The following CYP2R1 variants were observed in gnomAD, a reference collection of about 807,000 sequenced individuals.
The protein encoded by CYP2R1 is cytochrome P450 family 2 subfamily R member 1.
In CYP2R1, 40 loss-of-function variants were observed where a neutral mutation model predicts 45.7. The observed-to-expected ratio is 0.87, with a 90% confidence interval of 0.68 to 1.14. The LOEUF is 1.14. CYP2R1 is among the 50% of genes most tolerant of loss of function. The pLI is 0.00. For missense variants in CYP2R1, 605 were observed against 602.6 expected, an observed-to-expected ratio of 1.00 and a Z score of -0.04; for synonymous variants, 234 against 219.3, an observed-to-expected ratio of 1.07 and a Z score of -0.59.
chr11:14,891,802 C>G, intron 1 of CYP2R1, 179 bp downstream of exon 1: 1 of 1,410,784 alleles, frequency 7.1e-7, no homozygotes. Flanking sequence ...CAAGGGGGCA[C>G]GGCGTCGAGG....
chr11:14,879,525 G>C, intron 3 of CYP2R1, 82 bp from the exon 4 acceptor site: 2 of 1,182,700 alleles, frequency 1.7e-6, no homozygotes, highest in Non-Finnish European at 2.4e-6. Flanking sequence ...TAAAATAAAG[G>C]ATAACCTATA....
Position 14,879,332 on chromosome 11 carries a change from A to C in CYP2R1, c.1112T>G (p.Phe371Cys). The C allele has an allele frequency of 6.2e-7, 1 of 1,613,008 alleles. No homozygotes were observed. Among genetic ancestry groups the C allele is most frequent in the Non-Finnish European group, 8.5e-7 (1 of 1,179,538 alleles). The change falls in exon 4 of 5, where the codon TTC (phenylalanine) becomes TGC (cysteine). Residue 371 changes from phenylalanine to cysteine, a missense_variant. Physicochemically the swap from Phe to Cys is radical, Grantham distance 205. Transcript: ENST00000334636. ...TEAVLHEVLR[F>C]CNIVPLGIFH... ...AATCCCTAATGGAACTATATTACAG[A>C]ATCTTAAAACTTCATGCAAAACTGC...
chr11:14,890,579 C>G (rs1848805494), intron 1 of CYP2R1: 1 of 267,054 alleles, frequency 3.7e-6, no homozygotes, highest in Non-Finnish European at 4.9e-6. Flanking sequence ...CGGAGTCTGG[C>G]TCTGTTGCCC....
At chr11:14,879,997 G>T in intron 3 of CYP2R1, 139 bp downstream of exon 3, 4 of 813,742 alleles carry the variant, frequency 4.9e-6, no homozygotes, top group South Asian at 2.3e-5. Flanking sequence ...ACTCTTTTTT[G>T]TAACTATTAA....
chr11:14,885,986 A>G, intron 1 of CYP2R1, 69 bp from the exon 2 acceptor site: 1 of 1,492,586 alleles, frequency 6.7e-7, no homozygotes, highest in Non-Finnish European at 9.3e-7. Flanking sequence ...ATGGAAATCT[A>G]CAAGTGGTAA....
intron 1 of CYP2R1, chr11:14,886,844 A>C (rs1248599451): frequency 6.6e-6 from 1 of 152,320 alleles, no homozygotes; most frequent in African/African-American, 2.4e-5. Context: ...GAGGCTTAGC[A>C]GAGAACAAAA....
At chr11:14,890,601 C>T (rs1390863109) in intron 1 of CYP2R1, 1 of 201,250 alleles carries the variant, frequency 5.0e-6, no homozygotes, top group Non-Finnish European at 7.2e-6. Context: ...GGCTGGAGTG[C>T]AGTGGCGCGA....
At chr11:14,890,569 C>T (rs1207403805) in intron 1 of CYP2R1, 4 of 194,848 alleles carry the variant, frequency 2.1e-5, no homozygotes, top group East Asian at 3.9e-4. Context: ...TTTTTTGAGA[C>T]GGAGTCTGGC....
chr11:14,879,996 TG>T (rs1848313601), intron 3 of CYP2R1, 139 bp downstream of exon 3: 2 of 825,096 alleles, frequency 2.4e-6, no homozygotes, highest in African/African-American at 1.7e-5. Context: ...AACTCTTTTT[TG>T]TAACTATTAA....
chr11:14,891,281 A>C, intron 1 of CYP2R1: 3 of 985,362 alleles, frequency 3.0e-6, no homozygotes, highest in Non-Finnish European at 2.4e-6. Context: ...TGAGTCACCA[A>C]GTTGGCAGTG....
intron 4 of CYP2R1, among the ~76,000 whole-genome samples, chr11:14,878,521 A>T (rs1260618215): frequency 2.6e-5 from 4 of 152,076 alleles, no homozygotes; most frequent in African/African-American, 9.7e-5. Flanking sequence ...CTTTTGTAAG[A>T]CTTTAGTTCC....
chr11:14,891,862 G>A, intron 1 of CYP2R1, 119 bp downstream of exon 1: 1 of 1,408,502 alleles, frequency 7.1e-7, no homozygotes, highest in South Asian at 1.5e-5. Flanking sequence ...AGGGCAGCCG[G>A]CACACGGAGA....
chr11:14,877,839 TC>T lies in CYP2R1; in HGVS notation c.*282del, dbSNP rs1406300611. 5.7e-6 allele frequency: 2 copies of T among 350,358 alleles called. No individual in the cohort carries two copies. The highest frequency in any genetic ancestry group is 1.0e-5 in the Non-Finnish European group (2 of 193,830). 21.7% of individuals were successfully genotyped at this position (350,358 alleles called of 1,614,324 possible). On this transcript the variant is annotated 3_prime_UTR_variant, in exon 5 of 5. Transcript: ENST00000334636. The stretch of plus-strand genomic sequence containing the variant: ...AAGTACCTGGTACTAAACAAGATGC[TC>T]AGCTTAGGGCGTCCATGACCCTTCT...
At position 14,879,163 on chromosome 11, in the gene CYP2R1, G is replaced by A. The variant is rs1848272913; in HGVS notation, c.1281C>T (p.Asp427=). 2 of 1,613,184 alleles carry A rather than the reference G, an allele frequency of 1.2e-6. No individual in the cohort carries two copies. Among genetic ancestry groups the A allele is most frequent in the Middle Eastern group, 1.7e-4 (1 of 6,050 alleles). ...PEVFHPERFL[D]SSGYFAKKEA... ...CCTTCTTGGCAAAATATCCACTGCTGTCCAGAAATCGCTCAGGATGGAACA... is the reference window on the plus strand; with the variant it reads ...CCTTCTTGGCAAAATATCCACTGCTATCCAGAAATCGCTCAGGATGGAACA... The change falls in exon 4 of 5, where the codon GAC becomes GAT. Residue 427 remains aspartate (D), a synonymous_variant. Transcript: ENST00000334636.
chr11:14,891,028 C>A, intron 1 of CYP2R1: 1 of 985,422 alleles, frequency 1.0e-6, no homozygotes, highest in South Asian at 4.7e-5. Context: ...GCTGTATCTG[C>A]CTTCTTCACC....
intron 1 of CYP2R1, 64 bp downstream of exon 1, chr11:14,891,917 A>G: frequency 1.3e-6 from 2 of 1,557,346 alleles, no homozygotes; most frequent in Non-Finnish European, 1.7e-6. Context: ...TCCAACCAGG[A>G]AGGCCCTGGC....
rs1373362467 is a variant in CYP2R1 at position 14,880,540 on chromosome 11, C to T, written c.596G>A (p.Arg199Gln). The T allele has an allele frequency of 1.2e-6, 2 of 1,613,434 alleles. No homozygotes were observed. The highest frequency in any genetic ancestry group is 2.2e-5 in the South Asian group (2 of 91,050). Residue 199 changes from arginine to glutamine, a missense_variant, in exon 3 of 5, where the codon CGA becomes CAA. Arg to Gln is a conservative substitution (Grantham distance 43). Transcript: ENST00000334636. ...AAAATCGGTGTCTTCATAAGTGAAT[C>T]GTTCTCCAAAAATGATCAGATTGGT... is the stretch of plus-strand genomic sequence containing the variant. Reference protein sequence around the residue: ...NITNLIIFGERFTYEDTDFQH... With the variant: ...NITNLIIFGEQFTYEDTDFQH...
chr11:14,884,999 C>T (rs1848559086), intron 2 of CYP2R1, among the ~76,000 whole-genome samples: 1 of 152,098 alleles, frequency 6.6e-6, no homozygotes, highest in South Asian at 2.1e-4. Flanking sequence ...GCTTTCTCTG[C>T]ATTAGTTCAT....
At chr11:14,891,641 T>A in intron 1 of CYP2R1, 1 of 1,120,582 alleles carries the variant, frequency 8.9e-7, no homozygotes, top group South Asian at 2.5e-5. Context: ...AGGGCATGCG[T>A]CCACCCTGGA....
Sources: gnomAD v4.1 joint callset for allele counts (sites outside exome capture counted in the v4.1 genomes callset) on GRCh38, gnomAD v4.1.1 for gene constraint, MANE v1.5 for transcripts, NCBI Gene and HGNC (gene_info 2026-07-23, HGNC 2026-07-21) for gene names.